The following GPR12 variants were observed in gnomAD, a reference collection of about 807,000 sequenced individuals.
GPR12 encodes G-protein coupled receptor 12.
In GPR12, 7 loss-of-function variants were observed where a neutral mutation model predicts 18.9. That is an observed-to-expected ratio of 0.37 (90% CI 0.21 to 0.70). The LOEUF is 0.70. Among genes scored for constraint, GPR12 ranks in the 30% least tolerant of loss-of-function variants. The probability of loss-of-function intolerance (pLI) is 0.54; values close to 1 mark genes in which losing one functional copy is unlikely to be tolerated. For missense variants in GPR12, 327 were observed against 427.7 expected (o/e 0.76, Z 2.08); for synonymous variants, 201 against 188.6 (o/e 1.07, Z -0.54).
rs947408972 is a variant in GPR12, at chr13:26,757,205, T to C, written c.*1618A>G. The C allele has an allele frequency of 1.3e-5, 2 of 152,142 alleles. No homozygotes were observed. Among genetic ancestry groups the C allele is most frequent in the Non-Finnish European group, 2.9e-5 (2 of 68,034 alleles). 9.4% of individuals were successfully genotyped at this position (152,142 alleles called of 1,614,324 possible). ...TAGAAGATGCTCTGGAGAGAAGGCA[T>C]CAGCATGCAGGCTCCCAGAATGGTC... On this transcript the variant is annotated 3_prime_UTR_variant, in exon 2 of 2. Transcript: ENST00000405846.
chr13:26,760,030 C>T (rs1017663504), intron 1 of GPR12, 188 bp from the exon 2 acceptor site: 2 of 976,386 alleles, frequency 2.0e-6, no homozygotes, highest in African/African-American at 1.6e-5. Context: ...GGTTTAAACC[C>T]CACAACAAAA....
chr13:26,759,720 T>A lies in GPR12; in HGVS notation c.108A>T (p.Val36=). The change falls in exon 2 of 2, where the codon GTA becomes GTT. Residue 36 remains valine, a synonymous_variant. Transcript: ENST00000405846. ...TGACTACGAGCTCAGGCTCTGGCTC[T>A]ACGGCAGGAACCCGGGAGGAGACAG... ...SAAVSSRVPA[V]EPEPELVVNP... 1 of 1,613,696 alleles carries A rather than the reference T, an allele frequency of 6.2e-7. No homozygotes were observed. The highest frequency in any genetic ancestry group is 1.1e-5 in the South Asian group (1 of 91,062).
rs1243948077 is a variant in GPR12 at position 26,757,395 on chromosome 13, T to C, written c.*1428A>G. The C allele has an allele frequency of 6.6e-6, 1 of 152,194 alleles. No individual in the cohort carries two copies. Among genetic ancestry groups the C allele is most frequent in the Non-Finnish European group, 1.5e-5 (1 of 68,028 alleles). The allele number at this position is 152,194 out of a possible 1,614,324, so 9.4% of individuals were successfully genotyped here. On this transcript the variant is annotated 3_prime_UTR_variant, in exon 2 of 2. Coordinates refer to ENST00000405846, the MANE Select transcript of GPR12 (RefSeq NM_005288.4). ...CTGATTATATAGACATAACTATAAA[T>C]CCATTGCAAATGGAGGGAAGGTACC...
Position 26,758,712 on chromosome 13 carries a change from C to T in GPR12, c.*111G>A. 7.0e-7 allele frequency: 1 copy of T among 1,434,848 alleles called. No homozygotes were observed. 88.9% of individuals were successfully genotyped at this position (1,434,848 alleles called of 1,614,324 possible). On this transcript the variant is annotated 3_prime_UTR_variant, in exon 2 of 2. Coordinates refer to ENST00000405846, the MANE Select transcript of GPR12 (RefSeq NM_005288.4). The stretch of plus-strand genomic sequence containing the variant: ...CATTGTTTCACGAATGCTAAGTGCT[C>T]CTGTGGCTTGAGAGGGAATCCAATG...
Position 26,757,708 on chromosome 13 carries a change from T to G in GPR12, c.*1115A>C, listed in dbSNP as rs956097611. The stretch of plus-strand genomic sequence containing the variant: ...GACGCTGTGCACTGACAAACAAACC[T>G]AATCATTAAAATAGGGGACTGCCTG... On this transcript the variant is annotated 3_prime_UTR_variant, in exon 2 of 2. Coordinates refer to ENST00000405846, the MANE Select transcript of GPR12 (RefSeq NM_005288.4). 2 of 152,228 alleles carry G rather than the reference T, an allele frequency of 1.3e-5. No individual in the cohort carries two copies. Among genetic ancestry groups the G allele is most frequent in the Non-Finnish European group, 2.9e-5 (2 of 68,042 alleles). The allele number at this position is 152,228 out of a possible 1,614,324, so 9.4% of individuals were successfully genotyped here. A position where few individuals can be genotyped will look rare whatever the true frequency, so the allele number is the denominator to read the frequency against.
At position 26,760,709 on chromosome 13, in the gene GPR12, C is replaced by G. The variant is rs1884468977; in HGVS notation, c.-146G>C. The G allele has an allele frequency of 2.0e-5, 3 of 150,162 alleles. No homozygotes were observed. The highest frequency in any genetic ancestry group is 4.5e-5 in the Non-Finnish European group (3 of 67,380). The allele number at this position is 150,162 out of a possible 1,614,324, so 9.3% of individuals were successfully genotyped here. On this transcript the variant is annotated 5_prime_UTR_variant, in exon 1 of 2. Transcript: ENST00000405846. Reference sequence around the variant, plus strand: ...CGGGCTCCGGAGCGGGCCGGGAGGGCGCGGGGCGCGCACTCCGCGGCAGGT... The same window carrying G: ...CGGGCTCCGGAGCGGGCCGGGAGGGGGCGGGGCGCGCACTCCGCGGCAGGT...
rs1290428216 is a variant in GPR12 at position 26,755,315 on chromosome 13, T to C, written c.*3508A>G. ...TAGTAGTCACTTAATTAATATGTAT[T>C]TTAAATCTGAAATGGCAAGTCATCC... On this transcript the variant is annotated 3_prime_UTR_variant, in exon 2 of 2. Transcript: ENST00000405846. The C allele has an allele frequency of 1.3e-5, 2 of 152,210 alleles. No individual in the cohort carries two copies. Among genetic ancestry groups the C allele is most frequent in the Non-Finnish European group, 2.9e-5 (2 of 68,042 alleles). 9.4% of individuals were successfully genotyped at this position (152,210 alleles called of 1,614,324 possible).
chr13:26,758,858 G>A lies in GPR12; in HGVS notation c.970C>T (p.Leu324Phe), dbSNP rs1406583175. 6 of 1,613,640 alleles carry A rather than the reference G, an allele frequency of 3.7e-6. No homozygotes were observed. In the East Asian group the frequency reaches 1.1e-4, roughly 30 times the overall value. The change falls in exon 2 of 2, where the codon CTC (leucine) becomes TTC (phenylalanine). Residue 324 changes from leucine to phenylalanine, a missense_variant. Coordinates refer to ENST00000405846, the MANE Select transcript of GPR12 (RefSeq NM_005288.4). The part of the protein sequence containing the change: ...LICCGCIPSS[L>F]AQRARSPSDV The stretch of plus-strand genomic sequence containing the variant: ...CTGGGCGAGCGCGCTCTCTGGGCGA[G>A]ACTGGACGGGATGCAGCCGCAGCAA...
At position 26,757,848 on chromosome 13, in the gene GPR12, A is replaced by G. The variant is rs765483279; in HGVS notation, c.*975T>C. On this transcript the variant is annotated 3_prime_UTR_variant, in exon 2 of 2. Transcript: ENST00000405846. ...TTAGTATATTCTCAGAGAGAGAGGA[A>G]AGGTGATTTTTTTCATTTCATGATA... 1 of 152,250 alleles carries G rather than the reference A, an allele frequency of 6.6e-6. No individual in the cohort carries two copies. Among genetic ancestry groups the G allele is most frequent in the Non-Finnish European group, 1.5e-5 (1 of 68,054 alleles). 9.4% of individuals were successfully genotyped at this position (152,250 alleles called of 1,614,324 possible).
In GPR12 at chr13:26,757,530, C is replaced by T. The variant is rs556826529; in HGVS notation, c.*1293G>A. On this transcript the variant is annotated 3_prime_UTR_variant, in exon 2 of 2. Transcript: ENST00000405846. ...AATTTCCTGACTACATTCTTGTTCTCTGAAAACAGGCAATGTGATTTTTAT... is the reference window on the plus strand; with the variant it reads ...AATTTCCTGACTACATTCTTGTTCTTTGAAAACAGGCAATGTGATTTTTAT... The T allele has an allele frequency of 2.0e-4, 31 of 152,332 alleles. No individual in the cohort carries two copies. Among genetic ancestry groups the T allele is most frequent in the African/African-American group, 7.5e-4 (31 of 41,580 alleles). The allele number at this position is 152,332 out of a possible 1,614,324, so 9.4% of individuals were successfully genotyped here. A position where few individuals can be genotyped will look rare whatever the true frequency, so the allele number is the denominator to read the frequency against.
rs2137577141 is a variant in GPR12, at chr13:26,757,295, C to G, written c.*1528G>C. 1 of 152,248 alleles carries G rather than the reference C, an allele frequency of 6.6e-6. No homozygotes were observed. The highest frequency in any genetic ancestry group is 2.4e-5 in the African/African-American group (1 of 41,534). 9.4% of individuals were successfully genotyped at this position (152,248 alleles called of 1,614,324 possible). On this transcript the variant is annotated 3_prime_UTR_variant, in exon 2 of 2. Transcript: ENST00000405846. ...GAGGTTAATTTATTACAAATGATTC[C>G]CCAATGACCCTGAAATACTGCTTTT... is the stretch of plus-strand genomic sequence containing the variant.
In GPR12 at chr13:26,759,788, G is replaced by T. The variant is rs375927288; in HGVS notation, c.40C>A (p.Arg14=). Residue 14 remains arginine (R), a synonymous_variant, in exon 2 of 2, where the codon CGG becomes AGG. Coordinates refer to ENST00000405846, the MANE Select transcript of GPR12 (RefSeq NM_005288.4). ...DLKVNLSGLP[R]DYLDAAAAEN... ...GCAGCAGCGGCATCTAAATAATCCC[G>T]AGGCAGCCCGCTTAAATTGACCTTC... The T allele has an allele frequency of 1.9e-6, 3 of 1,599,012 alleles. No individual in the cohort carries two copies. In the Admixed American group the frequency reaches 5.1e-5, roughly 27 times the overall value.
rs921383974 is a variant in GPR12, at chr13:26,756,083, G to A, written c.*2740C>T. 6 of 152,174 alleles carry A rather than the reference G, an allele frequency of 3.9e-5. No homozygotes were observed. The highest frequency in any genetic ancestry group is 1.4e-4 in the African/African-American group (6 of 41,452). The allele number at this position is 152,174 out of a possible 1,614,324, so 9.4% of individuals were successfully genotyped here. A position where few individuals can be genotyped will look rare whatever the true frequency, so the allele number is the denominator to read the frequency against. ...CATTTTTCACAATTTAAACGGTAAA[G>A]GCATGTTGTTAGTTGAACTGAAAAA... On this transcript the variant is annotated 3_prime_UTR_variant, in exon 2 of 2. Transcript: ENST00000405846.
rs776016623 is a variant in GPR12, at chr13:26,759,516, G to A, written c.312C>T (p.Ala104=). The A allele has an allele frequency of 1.2e-5, 19 of 1,614,198 alleles. No homozygotes were observed. In the South Asian group the frequency reaches 1.5e-4, roughly 13 times the overall value. Residue 104 remains alanine (A), a synonymous_variant, in exon 2 of 2, where the codon GCC becomes GCT. Coordinates refer to ENST00000405846, the MANE Select transcript of GPR12 (RefSeq NM_005288.4). Reference sequence around the variant, plus strand: ...TGGTGGCTTCTGACTGAAGCAGGTAGGCAAAAACAAAATTGGTGATGAGTC... The same window carrying A: ...TGGTGGCTTCTGACTGAAGCAGGTAAGCAAAAACAAAATTGGTGATGAGTC... ...GIGLITNFVF[A]YLLQSEATKL... is the part of the protein sequence containing the mutation.
chr13:26,758,998 G>T lies in GPR12; in HGVS notation c.830C>A (p.Thr277Asn), dbSNP rs753582825. The T allele has an allele frequency of 1.9e-6, 3 of 1,614,024 alleles. No individual in the cohort carries two copies. Among genetic ancestry groups the T allele is most frequent in the South Asian group, 2.2e-5 (2 of 91,070 alleles). ...FTLYSLIADY[T>N]YPSIYTYATL... is the part of the protein sequence containing the mutation. ...GGCGTAGGTATAGATGGAGGGGTAGGTGTAATCCGCTATCAAGGAATAGAG... is the reference window on the plus strand; with the variant it reads ...GGCGTAGGTATAGATGGAGGGGTAGTTGTAATCCGCTATCAAGGAATAGAG... The change falls in exon 2 of 2, where the codon ACC (threonine) becomes AAC (asparagine). Residue 277 changes from threonine (T) to asparagine (N), a missense_variant. Coordinates refer to ENST00000405846, the MANE Select transcript of GPR12 (RefSeq NM_005288.4).
rs748771175 is a variant in GPR12, at chr13:26,758,600, G to A, written c.*223C>T. ...CCCCCAAGCAAAACAAAATAATGTT[G>A]AGTGGAGAGCTCAACAATTTTTTTT... On this transcript the variant is annotated 3_prime_UTR_variant, in exon 2 of 2. Coordinates refer to ENST00000405846, the MANE Select transcript of GPR12 (RefSeq NM_005288.4). 11 of 628,950 alleles carry A rather than the reference G, an allele frequency of 1.7e-5. No homozygotes were observed. Among genetic ancestry groups the A allele is most frequent in the Non-Finnish European group, 2.6e-5 (10 of 390,706 alleles). The allele number at this position is 628,950 out of a possible 1,614,324, so 39.0% of individuals were successfully genotyped here. A position where few individuals can be genotyped will look rare whatever the true frequency, so the allele number is the denominator to read the frequency against.
rs1347393679 is a variant in GPR12, at chr13:26,755,752, G to A, written c.*3071C>T. 4 of 152,196 alleles carry A rather than the reference G, an allele frequency of 2.6e-5. No homozygotes were observed. Among genetic ancestry groups the A allele is most frequent in the Admixed American group, 1.3e-4 (2 of 15,282 alleles). 9.4% of individuals were successfully genotyped at this position (152,196 alleles called of 1,614,324 possible). A position where few individuals can be genotyped will look rare whatever the true frequency, so the allele number is the denominator to read the frequency against. The stretch of plus-strand genomic sequence containing the variant: ...TCGATGACTAGTTTTGACTAATTCA[G>A]GATTCTGGTAAAGTAATGGAACTGT... On this transcript the variant is annotated 3_prime_UTR_variant, in exon 2 of 2. Coordinates refer to ENST00000405846, the MANE Select transcript of GPR12 (RefSeq NM_005288.4).
In GPR12 at chr13:26,759,215, A is replaced by G. The variant is rs1404484738; in HGVS notation, c.613T>C (p.Ser205Pro). 1.2e-6 allele frequency: 2 copies of G among 1,610,650 alleles called. No individual in the cohort carries two copies. Among genetic ancestry groups the G allele is most frequent in the African/African-American group, 2.7e-5 (2 of 74,034 alleles). ...ATGAGCGCAAACATGAAGAGGAAGG[A>G]CACCGAGAGGATGGCCGCGTTGTTC... ...TKNNAAILSV[S>P]FLFMFALMLQ... is the part of the protein sequence containing the mutation. Residue 205 changes from serine to proline, a missense_variant, in exon 2 of 2, where the codon TCC becomes CCC. Ser to Pro is a moderately conservative substitution (Grantham distance 74, BLOSUM62 -1). Transcript: ENST00000405846.
rs746207155 is a variant in GPR12 at position 26,759,078 on chromosome 13, G to A, written c.750C>T (p.Val250=). Residue 250 remains valine, a synonymous_variant, in exon 2 of 2, where the codon GTC becomes GTT. Transcript: ENST00000405846. ...TCCCCAGGATGATAGCCAGGGTGGA[G>A]ACCCCTTTCCGGGTGGTCACATAGT... The part of the protein sequence containing the change: ...TSHYVTTRKG[V]STLAIILGTF... 8.7e-6 allele frequency: 14 copies of A among 1,613,982 alleles called. No homozygotes were observed. The Admixed American group carries it at 2.3e-4, about 27-fold the overall frequency.
Sources: allele counts gnomAD v4.1 joint callset, GRCh38; gene constraint gnomAD v4.1.1; transcripts MANE v1.5; gene names NCBI Gene and HGNC (gene_info 2026-07-23, HGNC 2026-07-21).